PGR: variants seen among roughly 807,000 people sequenced by gnomAD.
PGR encodes progesterone receptor.
Under a neutral mutation model 76.1 loss-of-function variants are expected in PGR, and 25 were observed. The observed-to-expected ratio is 0.33, with a 90% CI of 0.24 to 0.46. The LOEUF (loss-of-function observed/expected upper bound fraction) is 0.46, where lower values mean the gene tolerates loss of function less well. Ranked by LOEUF, PGR falls within the 20% of genes least tolerant of loss-of-function variation. The probability of loss-of-function intolerance (pLI) is 1.00; values close to 1 mark genes in which losing one functional copy is unlikely to be tolerated. For missense variants in PGR, 1,172 were observed against 1,225.3 expected (o/e 0.96, Z 0.65); for synonymous variants, 579 against 535.0 (o/e 1.08, Z -1.14).
At chr11:101,098,896 G>A (rs1219467210) in intron 2 of PGR, among the ~76,000 whole-genome samples, 1 of 152,206 alleles carries the variant, frequency 6.6e-6, no homozygotes, top group African/African-American at 2.4e-5. Flanking sequence ...AATTCAGGGT[G>A]AGGACAAAAA....
At chr11:101,103,396 G>C (rs1377436826) in intron 2 of PGR, among the ~76,000 whole-genome samples, 2 of 152,140 alleles carry the variant, frequency 1.3e-5, no homozygotes, top group African/African-American at 2.4e-5. Flanking sequence ...GGGTGATCCT[G>C]AGGAGGGATA....
intron 3 of PGR, among the ~76,000 whole-genome samples, chr11:101,070,104 G>A (rs1860872055): frequency 6.6e-6 from 1 of 152,068 alleles, no homozygotes; most frequent in African/African-American, 2.4e-5. Flanking sequence ...GGTGATTTCT[G>A]CATTTTCAAC....
rs1860093679 is a variant in PGR, at chr11:101,051,677, G to GTT, written c.2213-111_2213-110dup. The GTT allele has an allele frequency of 3.9e-6, 3 of 771,232 alleles. No homozygotes were observed. The African/African-American group carries it at 5.2e-5, about 13-fold the overall frequency. 47.8% of individuals were successfully genotyped at this position (771,232 alleles called of 1,614,324 possible). A position where few individuals can be genotyped will look rare whatever the true frequency, so the allele number is the denominator to read the frequency against. The stretch of plus-strand genomic sequence containing the variant: ...ATAGGTATGCGTAGGGTAATAAAAT[G>GTT]TTTTCAATCCCAACATATTTTACAC... On this transcript the variant is annotated intron_variant, in intron 4 of 7. Transcript: ENST00000325455.
In PGR at chr11:101,128,537, C is replaced by G. The variant is rs953723969; in HGVS notation, c.534G>C (p.Thr178=). The G allele has an allele frequency of 6.3e-7, 1 of 1,599,404 alleles. No individual in the cohort carries two copies. The highest frequency in any genetic ancestry group is 8.5e-7 in the Non-Finnish European group (1 of 1,176,344). ...GGGGCAGCACTTTATGGGCAGCTGC[C>G]GTCCCGGAGCTGTCTCCAACCTTGC... ...SGCKVGDSSG[T]AAAHKVLPRG... Residue 178 remains threonine (T), a synonymous_variant, in exon 1 of 8, where the codon ACG becomes ACC. Coordinates refer to ENST00000325455, the MANE Select transcript of PGR (RefSeq NM_000926.4).
intron 3 of PGR, among the ~76,000 whole-genome samples, chr11:101,083,638 T>C (rs1472500498): frequency 6.6e-6 from 1 of 152,144 alleles, no homozygotes; most frequent in African/African-American, 2.4e-5. Context: ...CAAAAGAGAT[T>C]ATTTTGGAGC....
intron 4 of PGR, among the ~76,000 whole-genome samples, chr11:101,061,122 CAT>C (rs1240675423): frequency 2.0e-5 from 3 of 152,240 alleles, no homozygotes; most frequent in East Asian, 1.9e-4. Flanking sequence ...AAATTAAACA[CAT>C]GTTTAAACAC....
rs1047317090 is a variant in PGR at position 101,037,595 on chromosome 11, A to T, written c.*1521T>A. ...TTTAAAAACTTAGAACAAGGAATCT[A>T]AAGTATTGTCCTTAAGACACATAAA... is the stretch of plus-strand genomic sequence containing the variant. On this transcript the variant is annotated 3_prime_UTR_variant, in exon 8 of 8. Transcript: ENST00000325455. The T allele has an allele frequency of 4.4e-6, 1 of 227,696 alleles. No homozygotes were observed. Among genetic ancestry groups the T allele is most frequent in the African/African-American group, 2.2e-5 (1 of 45,048 alleles). 14.1% of individuals were successfully genotyped at this position (227,696 alleles called of 1,614,324 possible).
chr11:101,072,113 A>C (rs975012183), intron 3 of PGR, among the ~76,000 whole-genome samples: 36 of 152,348 alleles, frequency 2.4e-4, no homozygotes, highest in Non-Finnish European at 4.7e-4. Context: ...AGCCCATCAG[A>C]CTAACAGCAG....
chr11:101,064,131 G>A (rs1452523058), intron 3 of PGR: 44 of 151,932 alleles, frequency 2.9e-4, no homozygotes, highest in Non-Finnish European at 1.5e-5. Flanking sequence ...AGAAGTTCGA[G>A]ACCAGCCTGG....
rs564781579 is a variant in PGR at position 101,036,718 on chromosome 11, T to A, written c.*2398A>T. ...TCTACATTGCAGACAGAGATCAACA[T>A]CGAAGATATCAAACATTTTAACAAA... On this transcript the variant is annotated 3_prime_UTR_variant, in exon 8 of 8. Coordinates refer to ENST00000325455, the MANE Select transcript of PGR (RefSeq NM_000926.4). 137 of 202,190 alleles carry A rather than the reference T, an allele frequency of 6.8e-4. No individual in the cohort carries two copies. Among genetic ancestry groups the A allele is most frequent in the Non-Finnish European group, 1.0e-3 (100 of 98,144 alleles). 12.5% of individuals were successfully genotyped at this position (202,190 alleles called of 1,614,324 possible). A position where few individuals can be genotyped will look rare whatever the true frequency, so the allele number is the denominator to read the frequency against.
chr11:101,052,145 C>G (rs549520870), intron 4 of PGR, among the ~76,000 whole-genome samples: 1 of 152,172 alleles, frequency 6.6e-6, no homozygotes, highest in East Asian at 1.9e-4. Flanking sequence ...TGTGTTATAT[C>G]TAATTTTCTT....
At chr11:101,061,595 T>C (rs1017202716) in intron 4 of PGR, among the ~76,000 whole-genome samples, 3 of 152,186 alleles carry the variant, frequency 2.0e-5, no homozygotes, top group Non-Finnish European at 2.9e-5. Flanking sequence ...TGATCAGATA[T>C]TAGAAAAATA....
Position 101,036,090 on chromosome 11 carries a change from T to C in PGR, c.*3026A>G, listed in dbSNP as rs940044420. The C allele has an allele frequency of 9.1e-6, 2 of 219,836 alleles. No homozygotes were observed. The highest frequency in any genetic ancestry group is 5.8e-5 in the Admixed American group (1 of 17,330). 13.6% of individuals were successfully genotyped at this position (219,836 alleles called of 1,614,324 possible). A position where few individuals can be genotyped will look rare whatever the true frequency, so the allele number is the denominator to read the frequency against. ...GGCAGAGAAGGGGGGCACAGTCCTA[T>C]GTCAGTTATCTCCACAGTGCCCATC... is the stretch of plus-strand genomic sequence containing the variant. On this transcript the variant is annotated 3_prime_UTR_variant, in exon 8 of 8. Transcript: ENST00000325455.
intron 3 of PGR, among the ~76,000 whole-genome samples, chr11:101,090,869 A>C (rs771876040): frequency 3.3e-5 from 5 of 152,230 alleles, no homozygotes; most frequent in Non-Finnish European, 7.3e-5. Flanking sequence ...TATACGCTTT[A>C]AACTTGACAA....
At chr11:101,045,665 TTG>T (rs5794091) in intron 6 of PGR, among the ~76,000 whole-genome samples, 60,712 of 148,976 alleles carry the variant, frequency 0.41, 12,943 homozygotes, top group East Asian at 0.75. Context: ...CTATTCCATT[TTG>T]TGTGTGTGTG....
chr11:101,099,690 T>G (rs1448192986), intron 2 of PGR, among the ~76,000 whole-genome samples: 1 of 152,228 alleles, frequency 6.6e-6, no homozygotes, highest in Admixed American at 6.5e-5. Flanking sequence ...AGGTGTCTAC[T>G]GCATTACAGC....
intron 6 of PGR, among the ~76,000 whole-genome samples, chr11:101,045,605 A>G (rs1859844358): frequency 1.3e-5 from 2 of 151,888 alleles, no homozygotes; most frequent in Admixed American, 1.3e-4. Context: ...TTCCTGTTCC[A>G]TCCATGTTGC....
rs1458269763 is a variant in PGR, at chr11:101,129,460, G to C, written c.-390C>G. ...GCACTTGAGTGGCTGCGGCTGCGAC[G>C]GCAATTTAGTGACACGCGGCTCCTT... On this transcript the variant is annotated 5_prime_UTR_variant, in exon 1 of 8. Coordinates refer to ENST00000325455, the MANE Select transcript of PGR (RefSeq NM_000926.4). 1 of 258,832 alleles carries C rather than the reference G, an allele frequency of 3.9e-6. No homozygotes were observed. The highest frequency in any genetic ancestry group is 7.4e-6 in the Non-Finnish European group (1 of 136,024). 16.0% of individuals were successfully genotyped at this position (258,832 alleles called of 1,614,324 possible). A position where few individuals can be genotyped will look rare whatever the true frequency, so the allele number is the denominator to read the frequency against.
intron 3 of PGR, among the ~76,000 whole-genome samples, chr11:101,085,538 A>AAAAAAAAAAAAAC (rs1861467499): frequency 6.7e-6 from 1 of 148,686 alleles, no homozygotes; most frequent in African/African-American, 2.4e-5. Context: ...AAAAAAAAAA[A>AAAAAAAAAAAAAC]AAAAAAAAAA....
Sources: gnomAD v4.1 joint callset for allele counts (sites outside exome capture counted in the v4.1 genomes callset) on GRCh38, gnomAD v4.1.1 for gene constraint, MANE v1.5 for transcripts, NCBI Gene and HGNC (gene_info 2026-07-23, HGNC 2026-07-21) for gene names.